The following TFCP2 variants were observed in gnomAD, a reference collection of about 807,000 sequenced individuals.
The protein encoded by TFCP2 is transcription factor CP2.
In TFCP2, 33 loss-of-function variants were observed where a neutral mutation model predicts 73.4. The observed-to-expected ratio is 0.45, with a 90% confidence interval of 0.34 to 0.60. TFCP2 has a LOEUF of 0.60. Among genes scored for constraint, TFCP2 ranks in the 20% least tolerant of loss-of-function variants. The pLI, the probability that TFCP2 is intolerant of heterozygous loss-of-function variation, is 0.01. For missense variants in TFCP2, 352 were observed against 604.0 expected (o/e 0.58, Z 4.37); for synonymous variants, 193 against 211.6 (o/e 0.91, Z 0.76).
At chr12:51,130,894 G>A (rs1466132715) in intron 1 of TFCP2, among the ~76,000 whole-genome samples, 1 of 151,932 alleles carries the variant, frequency 6.6e-6, no homozygotes, top group African/African-American at 2.4e-5. Context: ...GGCTGAGGCA[G>A]GAGAATCATT....
intron 1 of TFCP2, among the ~76,000 whole-genome samples, chr12:51,147,163 T>G (rs1592827810): frequency 6.6e-6 from 1 of 152,002 alleles, no homozygotes; most frequent in East Asian, 1.9e-4. Flanking sequence ...GCCAATATAG[T>G]GAAACTCCAT....
intron 11 of TFCP2, among the ~76,000 whole-genome samples, chr12:51,100,587 A>G (rs1481044964): frequency 1.3e-5 from 2 of 152,100 alleles, no homozygotes; most frequent in Non-Finnish European, 2.9e-5. Flanking sequence ...AAGGCGAGTC[A>G]GAAGGATTGC....
chr12:51,152,894 C>T (rs1565576090), intron 1 of TFCP2, among the ~76,000 whole-genome samples: 1 of 152,220 alleles, frequency 6.6e-6, no homozygotes, highest in Non-Finnish European at 1.5e-5. Context: ...CCATCACCAT[C>T]ATCCATCTCC....
intron 1 of TFCP2, among the ~76,000 whole-genome samples, chr12:51,151,118 G>A (rs1457306395): frequency 6.6e-6 from 1 of 152,182 alleles, no homozygotes; most frequent in African/African-American, 2.4e-5. Flanking sequence ...GGAATGTTTC[G>A]GGAAGAGTAA....
chr12:51,095,326 A>G (rs370934245), intron 14 of TFCP2, 48 bp from the exon 15 acceptor site: 1 of 1,588,290 alleles, frequency 6.3e-7, no homozygotes, highest in African/African-American at 1.3e-5. Flanking sequence ...CACCTCTAAA[A>G]CACAGCAGGA....
intron 1 of TFCP2, among the ~76,000 whole-genome samples, chr12:51,139,669 C>A (rs956434631): frequency 6.6e-6 from 1 of 152,172 alleles, no homozygotes; most frequent in Non-Finnish European, 1.5e-5. Flanking sequence ...GGAGACACTG[C>A]ACCTGGCCTC....
Position 51,095,009 on chromosome 12 carries a change from T to C in TFCP2, c.*232A>G. On this transcript the variant is annotated 3_prime_UTR_variant, in exon 15 of 15. Transcript: ENST00000257915. Reference sequence around the variant, plus strand: ...ATTTAACAACAACAAGGTCCAGAAATTTAACTAAAACAGCTGCAGAACTGC... The same window carrying C: ...ATTTAACAACAACAAGGTCCAGAAACTTAACTAAAACAGCTGCAGAACTGC... 3.6e-6 allele frequency: 2 copies of C among 556,746 alleles called. No individual in the cohort carries two copies. Among genetic ancestry groups the C allele is most frequent in the Non-Finnish European group, 6.4e-6 (2 of 310,862 alleles). 34.5% of individuals were successfully genotyped at this position (556,746 alleles called of 1,614,324 possible).
At chr12:51,117,618 C>A in intron 3 of TFCP2, 53 bp downstream of exon 3, 2 of 1,418,902 alleles carry the variant, frequency 1.4e-6, no homozygotes, top group African/African-American at 1.4e-5. Flanking sequence ...AATTTAAAAT[C>A]CCAAAAGGAT....
chr12:51,125,958 C>T (rs992556396), intron 1 of TFCP2, among the ~76,000 whole-genome samples: 1 of 151,182 alleles, frequency 6.6e-6, no homozygotes, highest in Admixed American at 6.6e-5. Flanking sequence ...TGGCCAGGCA[C>T]GGTGGCTCAC....
rs371365885 is a variant in TFCP2 at position 51,129,681 on chromosome 12, T to C, written c.123-10909A>G. On this transcript the variant is annotated intron_variant, in intron 1 of 14. Coordinates refer to ENST00000257915, the MANE Select transcript of TFCP2 (RefSeq NM_005653.5). ...TTTCAATAGCTCAGGGTTGGATGAG[T>C]TGACCTCTTTAAGAGGGCCTCCTAA... Among the ~76,000 whole-genome samples, 15 of 152,214 alleles carry C rather than the reference T, an allele frequency of 9.9e-5. No homozygotes were observed. In the South Asian group the frequency reaches 1.0e-3, roughly 11 times the overall value.
intron 1 of TFCP2, among the ~76,000 whole-genome samples, chr12:51,134,736 A>C (rs977174013): frequency 1.3e-5 from 2 of 152,272 alleles, no homozygotes; most frequent in African/African-American, 4.8e-5. Flanking sequence ...AAAAACAAAC[A>C]TAATAAAAGA....
chr12:51,103,291 A>AG (rs557642200), intron 10 of TFCP2, among the ~76,000 whole-genome samples: 239 of 152,328 alleles, frequency 1.6e-3, no homozygotes, highest in Non-Finnish European at 3.1e-3. Flanking sequence ...TCAAAGAAAA[A>AG]GAAAAAAAAA....
intron 1 of TFCP2, among the ~76,000 whole-genome samples, chr12:51,156,698 T>C (rs1328462069): frequency 1.3e-5 from 2 of 152,248 alleles, no homozygotes; most frequent in African/African-American, 2.4e-5. Flanking sequence ...GATTTCTTTG[T>C]TGGGACATTT....
chr12:51,108,292 A>C (rs902443966), intron 6 of TFCP2, among the ~76,000 whole-genome samples: 1 of 151,970 alleles, frequency 6.6e-6, no homozygotes, highest in African/African-American at 2.4e-5. Flanking sequence ...ACTCAAAAAA[A>C]AAAAAGAAGA....
At chr12:51,095,341 A>G in intron 14 of TFCP2, 63 bp from the exon 15 acceptor site, 1 of 1,551,218 alleles carries the variant, frequency 6.4e-7, no homozygotes, top group African/African-American at 1.4e-5. Flanking sequence ...GCAGGAGAAA[A>G]AAAGTATGGT....
intron 6 of TFCP2, among the ~76,000 whole-genome samples, 176 bp downstream of exon 6, chr12:51,108,945 C>G (rs1940326208): frequency 6.6e-6 from 1 of 152,106 alleles, no homozygotes; most frequent in Non-Finnish European, 1.5e-5. Flanking sequence ...ATCCTACGAC[C>G]ATGTAAATTT....
intron 6 of TFCP2, among the ~76,000 whole-genome samples, chr12:51,108,340 G>A (rs1410318841): frequency 6.6e-6 from 1 of 151,916 alleles, no homozygotes; most frequent in African/African-American, 2.4e-5. Flanking sequence ...ATGAAATTAT[G>A]ACAGTGGTTT....
At chr12:51,139,862 T>C (rs1405308189) in intron 1 of TFCP2, among the ~76,000 whole-genome samples, 2 of 152,202 alleles carry the variant, frequency 1.3e-5, no homozygotes, top group African/African-American at 4.8e-5. Flanking sequence ...TCCTCACCAT[T>C]TTCCAACTGA....
chr12:51,145,308 G>T (rs11613085), intron 1 of TFCP2, among the ~76,000 whole-genome samples: 7 of 150,540 alleles, frequency 4.6e-5, no homozygotes, highest in Admixed American at 6.6e-5. Flanking sequence ...CTTGAACCTG[G>T]GGGGTGGAAG....
Sources: gnomAD v4.1 joint callset for allele counts (sites outside exome capture counted in the v4.1 genomes callset) on GRCh38, gnomAD v4.1.1 for gene constraint, MANE v1.5 for transcripts, NCBI Gene and HGNC (gene_info 2026-07-23, HGNC 2026-07-21) for gene names.